The following SNAP91 variants were observed in gnomAD, a reference collection of about 807,000 sequenced individuals.
SNAP91 encodes synaptosome associated protein 91.
SNAP91 carries 27 observed loss-of-function variants against 100.3 expected under a neutral mutation model. That is an observed-to-expected ratio of 0.27 (90% CI 0.20 to 0.37). The LOEUF is 0.37. Among genes scored for constraint, SNAP91 ranks in the 10% least tolerant of loss-of-function variants. The probability of loss-of-function intolerance (pLI) is 1.00; values close to 1 mark genes in which losing one functional copy is unlikely to be tolerated. For synonymous variants in SNAP91, 404 were observed against 398.6 expected (o/e 1.01, Z -0.16); for missense variants, 986 against 1,123.7 (o/e 0.88, Z 1.75).
chr6:83,686,033 G>T, intron 2 of SNAP91: 5 of 290,470 alleles, frequency 1.7e-5, no homozygotes, highest in Non-Finnish European at 2.6e-5. Flanking sequence ...TCAGCTGTTT[G>T]GTTCATTAAG....
At chr6:83,642,905 C>G (rs1295787231) in intron 7 of SNAP91, among the ~76,000 whole-genome samples, 1 of 152,184 alleles carries the variant, frequency 6.6e-6, no homozygotes, top group Non-Finnish European at 1.5e-5. Context: ...GATGGTATCT[C>G]ATTGTGGTTT....
intron 26 of SNAP91, among the ~76,000 whole-genome samples, chr6:83,561,308 A>G (rs1035999431): frequency 6.6e-5 from 10 of 152,164 alleles, no homozygotes; most frequent in Non-Finnish European, 1.5e-4. Context: ...GCCTCCCAAA[A>G]TGCTGGGATT....
chr6:83,645,148 G>A (rs984748719), intron 7 of SNAP91, among the ~76,000 whole-genome samples: 6 of 152,096 alleles, frequency 3.9e-5, no homozygotes, highest in Non-Finnish European at 7.4e-5. Context: ...TATTCTTGAG[G>A]AAAGTCCTTG....
At chr6:83,568,105 A>G (rs1444383078) in intron 26 of SNAP91, among the ~76,000 whole-genome samples, 1 of 151,966 alleles carries the variant, frequency 6.6e-6, no homozygotes, top group Admixed American at 6.6e-5. Context: ...AAAATGTCCA[A>G]CAATGATAGA....
intron 7 of SNAP91, among the ~76,000 whole-genome samples, chr6:83,650,149 AATAC>A (rs1380821545): frequency 6.6e-6 from 1 of 152,228 alleles, no homozygotes; most frequent in Admixed American, 6.5e-5. Flanking sequence ...GGTTATTAAA[AATAC>A]ATAAATGAAA....
intron 2 of SNAP91, among the ~76,000 whole-genome samples, chr6:83,666,189 A>G (rs1410868483): frequency 3.3e-5 from 5 of 152,098 alleles, no homozygotes; most frequent in African/African-American, 1.2e-4. Context: ...AAGAGAGTAA[A>G]CCTTTATAAT....
chr6:83,664,416 A>T (rs766488828), intron 3 of SNAP91, among the ~76,000 whole-genome samples: 1 of 152,160 alleles, frequency 6.6e-6, no homozygotes, highest in Non-Finnish European at 1.5e-5. Context: ...GAGGACATAC[A>T]GATAGCAACA....
chr6:83,639,670 T>C (rs559473780), intron 8 of SNAP91, among the ~76,000 whole-genome samples: 3 of 152,220 alleles, frequency 2.0e-5, no homozygotes, highest in South Asian at 2.1e-4. Context: ...AAGTAGAACT[T>C]TTCTCATGGG....
In SNAP91 at chr6:83,580,500, C is replaced by T; in HGVS notation, c.2249G>A (p.Ser750Asn). The change falls in exon 24 of 30, where the codon AGC (serine) becomes AAC (asparagine). Residue 750 changes from serine (S) to asparagine (N), a missense_variant. Transcript: ENST00000369694. ...MVPPSPAMAASKALGSDLDSS... is the reference protein window; with the variant it reads ...MVPPSPAMAANKALGSDLDSS... ...ATCAAGATCACTTCCAAGGGCTTTG[C>T]TGGCTGCCATTGCAGGACTGGGTGG... The T allele has an allele frequency of 1.2e-6, 2 of 1,613,534 alleles. No individual in the cohort carries two copies. The highest frequency in any genetic ancestry group is 3.3e-5 in the Admixed American group (2 of 59,984).
chr6:83,629,718 T>G (rs921374508), intron 8 of SNAP91, among the ~76,000 whole-genome samples: 1 of 152,086 alleles, frequency 6.6e-6, no homozygotes, highest in Non-Finnish European at 1.5e-5. Flanking sequence ...TCCAGAAAAT[T>G]TGTTGCACTC....
chr6:83,598,893 A>G (rs952857623), intron 16 of SNAP91, among the ~76,000 whole-genome samples: 2 of 152,338 alleles, frequency 1.3e-5, no homozygotes, highest in South Asian at 4.1e-4. Context: ...GAAATTGTAT[A>G]GCTATCAGAA....
At chr6:83,695,299 A>G (rs1361080887) in intron 2 of SNAP91, among the ~76,000 whole-genome samples, 4 of 143,696 alleles carry the variant, frequency 2.8e-5, no homozygotes, top group East Asian at 2.0e-4. Context: ...AAAAAAAAAA[A>G]AGAGAAAAGA....
At chr6:83,572,105 A>C (rs891326709) in intron 26 of SNAP91, among the ~76,000 whole-genome samples, 1 of 152,154 alleles carries the variant, frequency 6.6e-6, no homozygotes, top group Non-Finnish European at 1.5e-5. Flanking sequence ...GTATGTCTTT[A>C]TCAGCAGTGT....
intron 2 of SNAP91, among the ~76,000 whole-genome samples, chr6:83,673,172 T>TC (rs961832164): frequency 1.5e-4 from 23 of 151,570 alleles, no homozygotes; most frequent in Non-Finnish European, 2.5e-4. Context: ...ATTCCTTCCT[T>TC]CTTCTCTTTC....
intron 16 of SNAP91, among the ~76,000 whole-genome samples, chr6:83,599,336 A>G (rs2094891899): frequency 6.6e-6 from 1 of 152,212 alleles, no homozygotes; most frequent in Admixed American, 6.5e-5. Context: ...AAAAATCTAA[A>G]CAGCTAAGGC....
At chr6:83,618,800 G>C (rs968137598) in intron 9 of SNAP91, among the ~76,000 whole-genome samples, 1 of 151,808 alleles carries the variant, frequency 6.6e-6, no homozygotes, top group Non-Finnish European at 1.5e-5. Context: ...ATAAGCCATA[G>C]AACTTCTTTC....
At chr6:83,564,503 C>T (rs77676279) in intron 26 of SNAP91, among the ~76,000 whole-genome samples, 1,753 of 152,096 alleles carry the variant, frequency 0.012, 14 homozygotes, top group Middle Eastern at 0.024. Flanking sequence ...GGTGGAACCA[C>T]AGGTGCATGC....
rs115824804 is a variant in SNAP91, at chr6:83,640,852, T to C, written c.765+244A>G. On this transcript the variant is annotated intron_variant, in intron 8 of 29. Coordinates refer to ENST00000369694, the MANE Select transcript of SNAP91 (RefSeq NM_001242792.2). The stretch of plus-strand genomic sequence containing the variant: ...AAGCAGCAAATGAGCTTATTATCCA[T>C]GAAACTTTTATTTGAATGCAGAATG... Among the ~76,000 whole-genome samples, 1,493 of 152,236 alleles carry C rather than the reference T, an allele frequency of 9.8e-3. 22 individuals are homozygous for C. The highest frequency in any genetic ancestry group is 0.034 in the African/African-American group (1,432 of 41,552).
intron 3 of SNAP91, among the ~76,000 whole-genome samples, chr6:83,662,784 T>C (rs1197566708): frequency 6.6e-6 from 1 of 152,194 alleles, no homozygotes; most frequent in East Asian, 1.9e-4. Context: ...AATAATTTTA[T>C]TGTTCCTTCT....
Sources: gnomAD v4.1 joint callset for allele counts (sites outside exome capture counted in the v4.1 genomes callset) on GRCh38, gnomAD v4.1.1 for gene constraint, MANE v1.5 for transcripts, NCBI Gene and HGNC (gene_info 2026-07-23, HGNC 2026-07-21) for gene names.